The following CTNNBL1 variants were observed in gnomAD, a reference collection of about 807,000 sequenced individuals.
CTNNBL1 encodes the protein beta-catenin-like protein 1.
In CTNNBL1, 31 loss-of-function variants were observed where a neutral mutation model predicts 72.7. That is an observed-to-expected ratio of 0.43 (90% CI 0.32 to 0.58). The LOEUF (loss-of-function observed/expected upper bound fraction) is 0.58, where lower values mean the gene tolerates loss of function less well. Ranked by LOEUF, CTNNBL1 falls within the 20% of genes least tolerant of loss-of-function variation. The pLI, the probability that CTNNBL1 is intolerant of heterozygous loss-of-function variation, is 0.08. For missense variants in CTNNBL1, 534 were observed against 725.1 expected (o/e 0.74, Z 3.03); for synonymous variants, 240 against 267.3 (o/e 0.90, Z 1.00).
intron 13 of CTNNBL1, among the ~76,000 whole-genome samples, chr20:37,855,493 G>T (rs1160657665): frequency 1.3e-5 from 2 of 152,198 alleles, no homozygotes; most frequent in Non-Finnish European, 2.9e-5. Flanking sequence ...TCCCAGCACA[G>T]CACCTGGCAC....
At chr20:37,780,093 G>C (rs551153630) in intron 10 of CTNNBL1, among the ~76,000 whole-genome samples, 4 of 151,230 alleles carry the variant, frequency 2.6e-5, no homozygotes, top group African/African-American at 9.7e-5. Context: ...GCATGTTTAT[G>C]TGGTTGGAAG....
At chr20:37,820,489 G>A (rs1389432397) in intron 11 of CTNNBL1, among the ~76,000 whole-genome samples, 1 of 152,064 alleles carries the variant, frequency 6.6e-6, no homozygotes, top group African/African-American at 2.4e-5. Context: ...AGATTGATAT[G>A]GTTTGGCTCC....
At chr20:37,714,658 G>A (rs1019787658) in intron 1 of CTNNBL1, among the ~76,000 whole-genome samples, 17 of 152,240 alleles carry the variant, frequency 1.1e-4, no homozygotes, top group Admixed American at 3.3e-4. Flanking sequence ...CAAGTCTACT[G>A]TGGGCCATGA....
chr20:37,732,898 G>T lies in CTNNBL1; in HGVS notation c.50G>T (p.Arg17Leu). The change falls in exon 2 of 16, where the codon CGT becomes CTT. Residue 17 changes from arginine to leucine, a missense_variant. Arg to Leu is a moderately radical substitution (Grantham distance 102). Transcript: ENST00000361383. ...LSYQPNRGTK[R>L]PRDDEEEEQK... ...TCTCAGCCCAATAGGGGCACAAAACGTCCCCGGGATGATGAAGAGGAGGAG... is the reference window on the plus strand; with the variant it reads ...TCTCAGCCCAATAGGGGCACAAAACTTCCCCGGGATGATGAAGAGGAGGAG... The T allele has an allele frequency of 6.2e-7, 1 of 1,613,712 alleles. No homozygotes were observed. Among genetic ancestry groups the T allele is most frequent in the Admixed American group, 1.7e-5 (1 of 60,010 alleles).
chr20:37,734,886 G>A (rs897979514), intron 2 of CTNNBL1, among the ~76,000 whole-genome samples: 1 of 152,186 alleles, frequency 6.6e-6, no homozygotes, highest in African/African-American at 2.4e-5. Context: ...GCCAAACCCC[G>A]GAGAGGCTAG....
At chr20:37,743,146 A>G (rs1273116291) in intron 3 of CTNNBL1, among the ~76,000 whole-genome samples, 2 of 140,180 alleles carry the variant, frequency 1.4e-5, no homozygotes, top group African/African-American at 5.2e-5. Context: ...ACTCAGCACA[A>G]TTTTTTTTTT....
intron 2 of CTNNBL1, 55 bp downstream of exon 2, chr20:37,733,122 T>G: frequency 6.6e-7 from 1 of 1,525,530 alleles, no homozygotes; most frequent in Non-Finnish European, 9.0e-7. Flanking sequence ...AAAACGTAAT[T>G]TTGGGCCAAA....
At chr20:37,820,878 A>G (rs2122770516) in intron 11 of CTNNBL1, among the ~76,000 whole-genome samples, 1 of 152,310 alleles carries the variant, frequency 6.6e-6, no homozygotes, top group South Asian at 2.1e-4. Flanking sequence ...TGGTGGCTGT[A>G]AAGTATGAAT....
chr20:37,816,430 G>A (rs943148981), intron 11 of CTNNBL1, among the ~76,000 whole-genome samples: 3 of 152,180 alleles, frequency 2.0e-5, no homozygotes, highest in Non-Finnish European at 4.4e-5. Context: ...TTGGGTTTGT[G>A]TTTCTGCCAT....
chr20:37,759,826 A>C (rs562207499), intron 5 of CTNNBL1, among the ~76,000 whole-genome samples: 24 of 152,296 alleles, frequency 1.6e-4, no homozygotes, highest in Non-Finnish European at 1.3e-4. Context: ...TCTTGGCTGC[A>C]TTCAGGAAGA....
At chr20:37,829,416 G>A (rs1051232524) in intron 11 of CTNNBL1, among the ~76,000 whole-genome samples, 1 of 152,164 alleles carries the variant, frequency 6.6e-6, no homozygotes, top group Non-Finnish European at 1.5e-5. Flanking sequence ...GCAGGTGCAG[G>A]TTCTGAAGCC....
chr20:37,777,578 T>G, intron 8 of CTNNBL1, 76 bp from the exon 9 acceptor site: 1 of 1,451,870 alleles, frequency 6.9e-7, no homozygotes, highest in Non-Finnish European at 9.7e-7. Flanking sequence ...TGTTTGCTGA[T>G]GTATCAGTGT....
chr20:37,724,025 C>T (rs1462546194), intron 1 of CTNNBL1, among the ~76,000 whole-genome samples: 1 of 152,206 alleles, frequency 6.6e-6, no homozygotes, highest in East Asian at 1.9e-4. Flanking sequence ...TCAGGCCACT[C>T]ACTACCATCT....
At chr20:37,810,250 C>T (rs760541296) in intron 11 of CTNNBL1, among the ~76,000 whole-genome samples, 1 of 152,154 alleles carries the variant, frequency 6.6e-6, no homozygotes, top group Admixed American at 6.5e-5. Context: ...TGGTGAGGGA[C>T]TCATGCTGTG....
intron 11 of CTNNBL1, among the ~76,000 whole-genome samples, chr20:37,820,022 G>A (rs1165680495): frequency 6.6e-6 from 1 of 151,734 alleles, no homozygotes; most frequent in African/African-American, 2.4e-5. Flanking sequence ...CTATAAGCAC[G>A]CACCATCACA....
At chr20:37,777,791 G>T (rs965859578) in intron 9 of CTNNBL1, 79 bp downstream of exon 9, 2 of 1,422,642 alleles carry the variant, frequency 1.4e-6, no homozygotes, top group Non-Finnish European at 2.0e-6. Context: ...GAAACTGTGG[G>T]AAGGAATAAG....
At chr20:37,737,159 G>T (rs187425022) in intron 2 of CTNNBL1, among the ~76,000 whole-genome samples, 9 of 152,280 alleles carry the variant, frequency 5.9e-5, no homozygotes, top group African/African-American at 2.2e-4. Flanking sequence ...GAGAGGCAGA[G>T]ATTGCAGTGA....
intron 10 of CTNNBL1, among the ~76,000 whole-genome samples, chr20:37,796,716 G>T (rs983753834): frequency 6.6e-6 from 1 of 152,056 alleles, no homozygotes; most frequent in African/African-American, 2.4e-5. Context: ...TCAATGACAG[G>T]TGTTTATTTT....
chr20:37,868,701 G>C (rs138990503), intron 15 of CTNNBL1, among the ~76,000 whole-genome samples: 12 of 152,140 alleles, frequency 7.9e-5, no homozygotes, highest in African/African-American at 2.9e-4. Context: ...GCGAGGCCTC[G>C]GCACAGGTGA....
Sources: gnomAD v4.1 joint callset for allele counts (sites outside exome capture counted in the v4.1 genomes callset) on GRCh38, gnomAD v4.1.1 for gene constraint, MANE v1.5 for transcripts, NCBI Gene and HGNC (gene_info 2026-07-23, HGNC 2026-07-21) for gene names.